The following AGMO variants were observed in gnomAD, a reference collection of about 807,000 sequenced individuals.
The protein encoded by AGMO is glyceryl-ether monooxygenase.
A neutral mutation model predicts 60.2 loss-of-function variants in AGMO; 75 were observed. The ratio of observed to expected loss-of-function variants is 1.25; its 90% confidence interval spans 1.03 to 1.51. The LOEUF is 1.51. Ranked by LOEUF, AGMO falls within the 40% of genes most tolerant of loss-of-function variation. AGMO has a pLI of 0.00. For missense variants in AGMO, 763 were observed against 525.5 expected (o/e 1.45, Z -4.42); for synonymous variants, 261 against 177.1 (o/e 1.47, Z -3.76).
chr7:15,143,270 A>G, the AGMO span, among the ~76,000 whole-genome samples: 1 of 152,206 alleles, frequency 6.6e-6, no homozygotes, highest in Non-Finnish European at 1.5e-5. Context: ...AACATTTAGT[A>G]ACAGACAGGC....
chr7:15,447,567 T>G (rs573541902), intron 3 of AGMO, among the ~76,000 whole-genome samples: 1 of 152,258 alleles, frequency 6.6e-6, no homozygotes, highest in Non-Finnish European at 1.5e-5. Context: ...TTTCTTTTTT[T>G]TTAGATAGAG....
At chr7:15,269,937 T>C (rs1783546439) in intron 12 of AGMO, among the ~76,000 whole-genome samples, 2 of 152,102 alleles carry the variant, frequency 1.3e-5, no homozygotes, top group Admixed American at 1.3e-4. Context: ...CAAAAGACAT[T>C]ATTTCATTCA....
intron 2 of AGMO, among the ~76,000 whole-genome samples, chr7:15,553,147 A>G (rs1785019504): frequency 6.7e-6 from 1 of 150,374 alleles, no homozygotes; most frequent in Non-Finnish European, 1.5e-5. Flanking sequence ...CAGGAAGGGG[A>G]ATATCACACT....
chr7:15,351,198 G>T (rs1782231791), intron 12 of AGMO, among the ~76,000 whole-genome samples: 1 of 152,062 alleles, frequency 6.6e-6, no homozygotes, highest in Non-Finnish European at 1.5e-5. Flanking sequence ...TCTGCATAAT[G>T]GGAAAGGGTC....
intron 12 of AGMO, among the ~76,000 whole-genome samples, chr7:15,286,260 G>A (rs749386020): frequency 6.6e-6 from 1 of 151,960 alleles, no homozygotes; most frequent in African/African-American, 2.4e-5. Context: ...CACAGCAAAA[G>A]AATTAATCAT....
intron 3 of AGMO, among the ~76,000 whole-genome samples, chr7:15,493,503 A>G (rs925530047): frequency 6.7e-6 from 1 of 149,432 alleles, no homozygotes; most frequent in Non-Finnish European, 1.5e-5. Context: ...CCTCCCGCGT[A>G]GCTGGGTCTG....
intron 9 of AGMO, among the ~76,000 whole-genome samples, chr7:15,385,973 G>A (rs777400349): frequency 1.3e-5 from 2 of 152,104 alleles, no homozygotes; most frequent in Non-Finnish European, 2.9e-5. Flanking sequence ...TTGAGGTCAA[G>A]AGTTCGTGAC....
chr7:15,417,610 A>C (rs1780809961), intron 5 of AGMO, among the ~76,000 whole-genome samples: 1 of 152,194 alleles, frequency 6.6e-6, no homozygotes, highest in Non-Finnish European at 1.5e-5. Flanking sequence ...ATGTGTGTTA[A>C]GTATCATAAA....
At chr7:15,548,782 C>A (rs867872572) in intron 2 of AGMO, among the ~76,000 whole-genome samples, 3 of 152,126 alleles carry the variant, frequency 2.0e-5, no homozygotes, top group African/African-American at 7.2e-5. Context: ...TCTAGCAAGG[C>A]AGGCCAACGT....
chr7:15,328,185 C>T (rs1781403717), intron 12 of AGMO, among the ~76,000 whole-genome samples: 1 of 151,972 alleles, frequency 6.6e-6, no homozygotes, highest in Non-Finnish European at 1.5e-5. Flanking sequence ...GCAACCTCAG[C>T]CTCTCAGGTT....
At chr7:15,300,084 T>A (rs1375544732) in intron 12 of AGMO, among the ~76,000 whole-genome samples, 5 of 151,792 alleles carry the variant, frequency 3.3e-5, no homozygotes, top group African/African-American at 9.7e-5. Flanking sequence ...AAAAATAGAA[T>A]TGGAAGTAAT....
intron 9 of AGMO, among the ~76,000 whole-genome samples, chr7:15,386,555 G>A (rs983735365): frequency 1.3e-5 from 2 of 152,160 alleles, no homozygotes; most frequent in Admixed American, 6.5e-5. Flanking sequence ...ACGGAAGTGG[G>A]AAACTTATTC....
chr7:15,491,973 C>A (rs770413296), intron 3 of AGMO, among the ~76,000 whole-genome samples: 1 of 152,160 alleles, frequency 6.6e-6, no homozygotes, highest in Non-Finnish European at 1.5e-5. Context: ...TAGAAACATT[C>A]GCAGTGCAGT....
the AGMO span, among the ~76,000 whole-genome samples, chr7:15,124,446 A>G: frequency 1.3e-5 from 2 of 152,090 alleles, no homozygotes; most frequent in African/African-American, 4.8e-5. Context: ...AACATGAGCC[A>G]GGATACAAGA....
At chr7:15,455,649 A>G (rs373499450) in intron 3 of AGMO, among the ~76,000 whole-genome samples, 4 of 152,246 alleles carry the variant, frequency 2.6e-5, no homozygotes, top group African/African-American at 7.2e-5. Context: ...TTCTATTCAC[A>G]TGCTTGATTG....
At chr7:15,329,777 C>T (rs185297514) in intron 12 of AGMO, among the ~76,000 whole-genome samples, 10 of 152,202 alleles carry the variant, frequency 6.6e-5, no homozygotes, top group East Asian at 1.9e-4. Context: ...TGGATGTCTT[C>T]GGAATTCAAA....
chr7:15,440,584 T>C (rs563060236), intron 3 of AGMO, among the ~76,000 whole-genome samples: 1 of 152,264 alleles, frequency 6.6e-6, no homozygotes, highest in African/African-American at 2.4e-5. Context: ...CATATTTAGG[T>C]GTTACAGATA....
chr7:15,330,148 T>C (rs1188728542), intron 12 of AGMO, among the ~76,000 whole-genome samples: 1 of 152,194 alleles, frequency 6.6e-6, no homozygotes, highest in Non-Finnish European at 1.5e-5. Context: ...ATCACATTAT[T>C]GATATTGCAG....
At chr7:15,549,949 A>T (rs2115294732) in intron 2 of AGMO, among the ~76,000 whole-genome samples, 1 of 150,358 alleles carries the variant, frequency 6.7e-6, no homozygotes, top group East Asian at 2.0e-4. Context: ...AAAAGAACAG[A>T]AATTATAACA....
Sources: gnomAD v4.1 joint callset for allele counts (sites outside exome capture counted in the v4.1 genomes callset) on GRCh38, gnomAD v4.1.1 for gene constraint, MANE v1.5 for transcripts, NCBI Gene and HGNC (gene_info 2026-07-23, HGNC 2026-07-21) for gene names.